The following PRMT8 variants were observed in gnomAD, a reference collection of about 807,000 sequenced individuals.
PRMT8 encodes protein arginine N-methyltransferase 8.
In PRMT8, 7 loss-of-function variants were observed where a neutral mutation model predicts 47.1. The observed-to-expected ratio is 0.15, with a 90% CI of 0.08 to 0.28. The LOEUF is 0.28. Among genes scored for constraint, PRMT8 ranks in the 10% least tolerant of loss-of-function variants. PRMT8 has a pLI of 1.00. For missense variants in PRMT8, 237 were observed against 505.4 expected (o/e 0.47, Z 5.09); for synonymous variants, 188 against 186.5 (o/e 1.01, Z -0.07).
Position 3,550,397 on chromosome 12 carries a change from AG to A in PRMT8, c.417+308del. The A allele has an allele frequency of 3.2e-6, 1 of 317,452 alleles. No individual in the cohort carries two copies. The highest frequency in any genetic ancestry group is 6.3e-5 in the South Asian group (1 of 15,794). 19.7% of individuals were successfully genotyped at this position (317,452 alleles called of 1,614,324 possible). Reference sequence around the variant, plus strand: ...CCAAGGTCAGCTTCAGAGGCAGTGCAGGTGGTTACTCGGGGGAGCTCTGGTT... The same window carrying A: ...CCAAGGTCAGCTTCAGAGGCAGTGCAGTGGTTACTCGGGGGAGCTCTGGTT... On this transcript the variant is annotated intron_variant, in intron 3 of 9. Transcript: ENST00000382622. The surrounding 1 kb of genome is among the most constrained non-coding windows in gnomAD (Gnocchi z 5.1).
rs1866721610 is a variant in PRMT8, at chr12:3,566,384, T to G, written c.482-2322T>G. On this transcript the variant is annotated intron_variant, in intron 4 of 9. Transcript: ENST00000382622. The surrounding 1 kb of genome is among the most constrained non-coding windows in gnomAD (Gnocchi z 4.7). ...ACCCCTCCCACTCCCACCAAAACTT[T>G]TGGAGAATAGCTCTTCCTGCTCATA... is the stretch of plus-strand genomic sequence containing the variant. Among the ~76,000 whole-genome samples the G allele has an allele frequency of 6.6e-6, 1 of 152,140 alleles. No individual in the cohort carries two copies. The highest frequency in any genetic ancestry group is 1.5e-5 in the Non-Finnish European group (1 of 68,028).
intron 1 of PRMT8, among the ~76,000 whole-genome samples, chr12:3,397,735 C>T (rs1864270477): frequency 6.6e-6 from 1 of 152,016 alleles, no homozygotes; most frequent in African/African-American, 2.4e-5. Context: ...GTGGTGGGCT[C>T]CCCCCAGTTC....
chr12:3,591,189 G>A (rs1223463173), intron 8 of PRMT8, among the ~76,000 whole-genome samples: 2 of 152,102 alleles, frequency 1.3e-5, no homozygotes, highest in Non-Finnish European at 2.9e-5. Context: ...GGGGAGGGAA[G>A]AGACTCAATG....
At position 3,456,510 on chromosome 12, in the gene PRMT8, CG is replaced by C. The variant is rs1333533634; in HGVS notation, c.48+75070del. ...AGGGCAGGACCCACGAGCACACATTCGGCATCACGAGCGATCTGTTGTGCAG... is the reference window on the plus strand; with the variant it reads ...AGGGCAGGACCCACGAGCACACATTCGCATCACGAGCGATCTGTTGTGCAG... On this transcript the variant is annotated intron_variant, in intron 1 of 9. Transcript: ENST00000452611. This position sits in a 1 kb window ranked among gnomAD's most constrained non-coding sequence, Gnocchi z 4.2. Among the ~76,000 whole-genome samples the C allele has an allele frequency of 6.6e-6, 1 of 152,186 alleles. No individual in the cohort carries two copies. The highest frequency in any genetic ancestry group is 1.5e-5 in the Non-Finnish European group (1 of 68,036).
intron 4 of PRMT8, among the ~76,000 whole-genome samples, chr12:3,560,884 G>T (rs1417994586): frequency 6.6e-6 from 1 of 152,288 alleles, no homozygotes; most frequent in African/African-American, 2.4e-5. Context: ...AGCTCGTAAG[G>T]TTATTAGGGG....
intron 1 of PRMT8, among the ~76,000 whole-genome samples, chr12:3,480,929 T>G (rs1361519345): frequency 1.3e-5 from 2 of 152,168 alleles, no homozygotes; most frequent in East Asian, 3.9e-4. Flanking sequence ...TGATAGCTAA[T>G]AAACAGGAAA....
intron 1 of PRMT8, among the ~76,000 whole-genome samples, chr12:3,449,747 C>A (rs1565410698): frequency 6.6e-6 from 1 of 152,116 alleles, no homozygotes; most frequent in African/African-American, 2.4e-5. Context: ...TCCCACTTGT[C>A]AATTTTTGCT....
intron 1 of PRMT8, among the ~76,000 whole-genome samples, chr12:3,473,213 C>T (rs1565416506): frequency 6.6e-6 from 1 of 152,138 alleles, no homozygotes; most frequent in Admixed American, 6.5e-5. Flanking sequence ...CTGACTTTCA[C>T]AGCTCCCCTC....
At chr12:3,406,640 G>C (rs1864375369) in intron 1 of PRMT8, among the ~76,000 whole-genome samples, 1 of 152,146 alleles carries the variant, frequency 6.6e-6, no homozygotes, top group South Asian at 2.1e-4. Flanking sequence ...AGTCACCTTT[G>C]CTCCAGTTCC....
chr12:3,459,355 T>C (rs1865012173), intron 1 of PRMT8, among the ~76,000 whole-genome samples: 1 of 152,146 alleles, frequency 6.6e-6, no homozygotes, highest in South Asian at 2.1e-4. Context: ...TTAGCCACGA[T>C]TTGAAGCCAA....
At chr12:3,575,354 T>G (rs1866919125) in intron 6 of PRMT8, among the ~76,000 whole-genome samples, 1 of 152,200 alleles carries the variant, frequency 6.6e-6, no homozygotes, top group South Asian at 2.1e-4. Flanking sequence ...TCCTGTAAGA[T>G]TTTAGAGAAA....
At chr12:3,554,686 A>G (rs751820194) in intron 4 of PRMT8, among the ~76,000 whole-genome samples, 3 of 152,184 alleles carry the variant, frequency 2.0e-5, no homozygotes, top group Non-Finnish European at 4.4e-5. Context: ...AGGGGGAAAA[A>G]GAGGCCAGGT....
In PRMT8 at chr12:3,540,650, T is replaced by C. The variant is rs1184295140; in HGVS notation, c.120T>C (p.Ala40=). ...AGCCCCCCCAGCCCGTCGTCCCTGC[T>C]AAGCCCGTGCAATGCGTCCATCATG... ...PSQPPQPVVP[A]KPVQCVHHVS... is the part of the protein sequence containing the mutation. Residue 40 remains alanine, a synonymous_variant, in exon 2 of 10, where the codon GCT becomes GCC. Coordinates refer to ENST00000382622, the MANE Select transcript of PRMT8 (RefSeq NM_019854.5). 5.3e-6 allele frequency: 5 copies of C among 943,126 alleles called. No homozygotes were observed. Among genetic ancestry groups the C allele is most frequent in the Non-Finnish European group, 7.7e-6 (5 of 649,442 alleles). 58.4% of individuals were successfully genotyped at this position (943,126 alleles called of 1,614,324 possible).
intron 1 of PRMT8, among the ~76,000 whole-genome samples, chr12:3,442,501 C>T (rs1864813906): frequency 6.6e-6 from 1 of 152,136 alleles, no homozygotes; most frequent in African/African-American, 2.4e-5. Context: ...CCCAGTCCCT[C>T]CTGGTGCGGC....
At chr12:3,532,143 T>G (rs748054488) in intron 1 of PRMT8, among the ~76,000 whole-genome samples, 20 of 151,922 alleles carry the variant, frequency 1.3e-4, no homozygotes, top group Non-Finnish European at 2.4e-4. Context: ...GGTTGTTTCT[T>G]TCAGAACGTT....
At chr12:3,464,855 C>T (rs1322838580) in intron 1 of PRMT8, among the ~76,000 whole-genome samples, 1 of 152,076 alleles carries the variant, frequency 6.6e-6, no homozygotes, top group Non-Finnish European at 1.5e-5. Flanking sequence ...AACCTGACTC[C>T]TGCTCACACC....
chr12:3,561,730 T>C (rs898864259), intron 4 of PRMT8, among the ~76,000 whole-genome samples: 1 of 152,208 alleles, frequency 6.6e-6, no homozygotes, highest in African/African-American at 2.4e-5. Context: ...CCACATGATA[T>C]ACTGCAAGCA....
At chr12:3,437,529 C>G (rs1220590837) in intron 1 of PRMT8, among the ~76,000 whole-genome samples, 1 of 151,612 alleles carries the variant, frequency 6.6e-6, no homozygotes, top group Non-Finnish European at 1.5e-5. Context: ...CACCCTCTAC[C>G]CTCAAGTAGG....
intron 4 of PRMT8, among the ~76,000 whole-genome samples, chr12:3,556,313 T>C (rs1866526947): frequency 6.6e-6 from 1 of 151,948 alleles, no homozygotes. Context: ...TCTAGGGCAC[T>C]ACACTGCAAC....
Sources: allele counts gnomAD v4.1 joint callset (sites outside exome capture counted in the v4.1 genomes callset), GRCh38; gene constraint gnomAD v4.1.1; non-coding constraint Gnocchi (gnomAD v3.1); transcripts MANE v1.5; gene names NCBI Gene and HGNC (gene_info 2026-07-23, HGNC 2026-07-21).